Variants in RBFOX1 observed in about 807,000 individuals in gnomAD.
RBFOX1 encodes the protein RNA binding protein fox-1 homolog 1.
Under a neutral mutation model 57.7 loss-of-function variants are expected in RBFOX1, and 8 were observed. The ratio of observed to expected loss-of-function variants is 0.14; its 90% confidence interval spans 0.08 to 0.25. RBFOX1 has a LOEUF of 0.25. Ranked by LOEUF, RBFOX1 falls within the 10% of genes least tolerant of loss-of-function variation. The probability of loss-of-function intolerance (pLI) is 1.00; values close to 1 mark genes in which losing one functional copy is unlikely to be tolerated. For missense variants in RBFOX1, 611 were observed against 548.5 expected (o/e 1.11, Z -1.14); for synonymous variants, 326 against 222.4 (o/e 1.47, Z -4.15).
intron 4 of RBFOX1, among the ~76,000 whole-genome samples, chr16:5,893,820 C>A (rs1408860781): frequency 6.7e-6 from 1 of 149,838 alleles, no homozygotes; most frequent in Non-Finnish European, 1.5e-5. Flanking sequence ...AAAAAAAAAT[C>A]TCATGTAACC....
intron 4 of RBFOX1, among the ~76,000 whole-genome samples, chr16:7,433,192 T>TA (rs1252358157): frequency 1.3e-5 from 2 of 152,204 alleles, no homozygotes; most frequent in African/African-American, 2.4e-5. Context: ...AGGAAGTCTA[T>TA]AAAATCTCTT....
At chr16:7,652,367 C>T (rs1300910513) in intron 11 of RBFOX1, among the ~76,000 whole-genome samples, 3 of 152,172 alleles carry the variant, frequency 2.0e-5, no homozygotes, top group Non-Finnish European at 4.4e-5. Flanking sequence ...ACCTCCTCAT[C>T]TTGCTCAGAG....
intron 3 of RBFOX1, among the ~76,000 whole-genome samples, chr16:6,829,998 C>A (rs1250363323): frequency 6.6e-6 from 1 of 152,042 alleles, no homozygotes; most frequent in Non-Finnish European, 1.5e-5. Flanking sequence ...CTCTCTGCCA[C>A]CTCCGCCTTC....
chr16:5,875,438 C>T (rs935317961), intron 4 of RBFOX1, among the ~76,000 whole-genome samples: 2 of 152,120 alleles, frequency 1.3e-5, no homozygotes, highest in Non-Finnish European at 2.9e-5. Context: ...TTCTTTGTCT[C>T]GTTTGTCTGT....
chr16:6,941,210 C>A (rs2078389240), intron 3 of RBFOX1, among the ~76,000 whole-genome samples: 1 of 150,690 alleles, frequency 6.6e-6, no homozygotes, highest in African/African-American at 2.4e-5. Flanking sequence ...ATATTCCCTT[C>A]CTTCCCTCCC....
intron 1 of RBFOX1, among the ~76,000 whole-genome samples, chr16:5,389,056 T>C (rs571592733): frequency 1.3e-5 from 2 of 150,802 alleles, no homozygotes; most frequent in Admixed American, 6.6e-5. Flanking sequence ...CCTGGCGTGG[T>C]GGCAGGCCCC....
At chr16:5,372,124 A>G (rs945620465) in intron 1 of RBFOX1, among the ~76,000 whole-genome samples, 7 of 152,272 alleles carry the variant, frequency 4.6e-5, no homozygotes, top group African/African-American at 1.7e-4. Flanking sequence ...AAGATGAAGG[A>G]TTGTGAAGGC....
At chr16:6,835,477 G>C (rs572291531) in intron 3 of RBFOX1, among the ~76,000 whole-genome samples, 1 of 152,136 alleles carries the variant, frequency 6.6e-6, no homozygotes, top group South Asian at 2.1e-4. Context: ...TCTTGGCCGG[G>C]TGTGGTGGTC....
intron 2 of RBFOX1, among the ~76,000 whole-genome samples, chr16:6,533,211 A>G (rs140656489): frequency 2.0e-5 from 3 of 152,338 alleles, no homozygotes; most frequent in East Asian, 1.9e-4. Context: ...CAGATCAACT[A>G]TAGTGATACA....
At chr16:6,871,463 G>T (rs934824348) in intron 3 of RBFOX1, among the ~76,000 whole-genome samples, 1 of 152,080 alleles carries the variant, frequency 6.6e-6, no homozygotes, top group African/African-American at 2.4e-5. Flanking sequence ...TGGGATTACA[G>T]GTGTGAGCCA....
intron 3 of RBFOX1, among the ~76,000 whole-genome samples, chr16:5,633,735 G>A (rs559771963): frequency 1.9e-4 from 29 of 152,024 alleles, no homozygotes; most frequent in African/African-American, 6.5e-4. Flanking sequence ...TTAGCCGGGC[G>A]TCGTGGTGCA....
rs181523936 is a variant in RBFOX1 at position 6,814,569 on chromosome 16, A to T, written c.-16+159919A>T. On this transcript the variant is annotated intron_variant, in intron 3 of 15. Coordinates refer to ENST00000550418, the MANE Select transcript of RBFOX1 (RefSeq NM_018723.4). Reference sequence around the variant, plus strand: ...GCTGTGAAGGGAAGTTACACTGATGAGCATGATAGATGCGAATCACAGAGA... The same window carrying T: ...GCTGTGAAGGGAAGTTACACTGATGTGCATGATAGATGCGAATCACAGAGA... Among the ~76,000 whole-genome samples, 145 of 152,298 alleles carry T rather than the reference A, an allele frequency of 9.5e-4. 1 individual carries two copies. The highest frequency in any genetic ancestry group is 3.7e-3 in the South Asian group (18 of 4,824).
chr16:5,926,156 G>A (rs1372778497), intron 4 of RBFOX1, among the ~76,000 whole-genome samples: 1 of 152,226 alleles, frequency 6.6e-6, no homozygotes. Flanking sequence ...GAAGGTAAAA[G>A]CTTGAGAATG....
intron 4 of RBFOX1, among the ~76,000 whole-genome samples, chr16:6,009,802 ATG>A (rs753032432): frequency 1.7e-5 from 1 of 58,560 alleles, no homozygotes; most frequent in Non-Finnish European, 3.2e-5. Context: ...CAGTGTGTGT[ATG>A]TGTGTGTGTG....
intron 2 of RBFOX1, among the ~76,000 whole-genome samples, chr16:6,361,096 G>T (rs887687736): frequency 6.6e-6 from 1 of 151,996 alleles, no homozygotes; most frequent in Non-Finnish European, 1.5e-5. Flanking sequence ...GCAATGCATT[G>T]CCACTTTCTC....
chr16:7,239,246 C>A (rs1166603334), intron 4 of RBFOX1, among the ~76,000 whole-genome samples: 1 of 152,176 alleles, frequency 6.6e-6, no homozygotes, highest in African/African-American at 2.4e-5. Context: ...AGCCAGTAAT[C>A]CCAGCAATTT....
chr16:7,503,791 G>A (rs756518166), intron 4 of RBFOX1, among the ~76,000 whole-genome samples: 6 of 152,106 alleles, frequency 3.9e-5, no homozygotes, highest in East Asian at 1.9e-4. Flanking sequence ...TATTTGCATG[G>A]TTTGATTTTC....
chr16:6,284,900 A>G (rs1008467284), intron 1 of RBFOX1, among the ~76,000 whole-genome samples: 6 of 152,124 alleles, frequency 3.9e-5, no homozygotes, highest in African/African-American at 1.4e-4. Context: ...TGTGAAATGG[A>G]GTGAAAACAA....
chr16:7,543,909 CAG>C (rs765270748), intron 5 of RBFOX1, among the ~76,000 whole-genome samples: 43 of 151,960 alleles, frequency 2.8e-4, no homozygotes, highest in East Asian at 1.2e-3. Flanking sequence ...TTAGTAGAGA[CAG>C]AGTTTCACCA....
Sources: gnomAD v4.1 joint callset for allele counts (sites outside exome capture counted in the v4.1 genomes callset) on GRCh38, gnomAD v4.1.1 for gene constraint, MANE v1.5 for transcripts, NCBI Gene and HGNC (gene_info 2026-07-23, HGNC 2026-07-21) for gene names.